The following P2RY2 variants were observed in gnomAD, a reference collection of about 807,000 sequenced individuals.
P2RY2 encodes P2Y purinoceptor 2.
For synonymous variants in P2RY2, 241 were observed against 231.9 expected, an observed-to-expected ratio of 1.04 and a Z score of -0.35; for missense variants, 567 against 515.7, an observed-to-expected ratio of 1.10 and a Z score of -0.96.
chr11:73,231,768 T>C (rs1453677117), intron 2 of P2RY2, among the ~76,000 whole-genome samples: 1 of 151,304 alleles, frequency 6.6e-6, no homozygotes, highest in Non-Finnish European at 1.5e-5. Context: ...AAGGGAATTA[T>C]TCCAGGCATG....
In P2RY2 at chr11:73,236,420, G is replaced by A. The variant is rs1463144627; in HGVS notation, c.*1127G>A. 6.8e-6 allele frequency: 3 copies of A among 442,568 alleles called. No homozygotes were observed. Among genetic ancestry groups the A allele is most frequent in the Non-Finnish European group, 6.2e-6 (2 of 324,974 alleles). The allele number at this position is 442,568 out of a possible 1,614,324, so 27.4% of individuals were successfully genotyped here. Reference sequence around the variant, plus strand: ...TCACTCTAGCACACCACTGGATAATGCCGAGTGGCTGGGGCTGTGAGCCAG... The same window carrying A: ...TCACTCTAGCACACCACTGGATAATACCGAGTGGCTGGGGCTGTGAGCCAG... On this transcript the variant is annotated 3_prime_UTR_variant, in exon 3 of 3. Coordinates refer to ENST00000393597, the MANE Select transcript of P2RY2 (RefSeq NM_002564.4).
At chr11:73,229,791 G>T (rs1221163969) in intron 2 of P2RY2, among the ~76,000 whole-genome samples, 1 of 152,116 alleles carries the variant, frequency 6.6e-6, no homozygotes, top group African/African-American at 2.4e-5. Flanking sequence ...AGATGTTTAT[G>T]TTGACTGTGA....
chr11:73,234,307 C>G lies in P2RY2; in HGVS notation c.148C>G (p.Leu50Val). The G allele has an allele frequency of 6.2e-7, 1 of 1,613,822 alleles. No individual in the cohort carries two copies. The highest frequency in any genetic ancestry group is 8.5e-7 in the Non-Finnish European group (1 of 1,179,776). The change falls in exon 3 of 3, where the codon CTG becomes GTG. Residue 50 changes from leucine (L) to valine (V), a missense_variant. Transcript: ENST00000393597. ...CGTGGTGTGCGTGCCTGGGCTGTGT[C>G]TGAACGCCGTGGCGCTCTACATCTT... is the stretch of plus-strand genomic sequence containing the variant. ...YGVVCVPGLC[L>V]NAVALYIFLC...
chr11:73,224,964 C>T (rs1862235357), intron 1 of P2RY2, among the ~76,000 whole-genome samples: 1 of 152,216 alleles, frequency 6.6e-6, no homozygotes, highest in South Asian at 2.1e-4. Context: ...AGTTAAGAGA[C>T]TTGTCTTACC....
Position 73,235,530 on chromosome 11 carries a change from G to C in P2RY2, c.*237G>C. 2 of 1,259,784 alleles carry C rather than the reference G, an allele frequency of 1.6e-6. No individual in the cohort carries two copies. The highest frequency in any genetic ancestry group is 2.0e-6 in the Non-Finnish European group (2 of 995,586). The allele number at this position is 1,259,784 out of a possible 1,614,324, so 78.0% of individuals were successfully genotyped here. A position where few individuals can be genotyped will look rare whatever the true frequency, so the allele number is the denominator to read the frequency against. Reference sequence around the variant, plus strand: ...TTGGGGGAATTAAGTTTCAAGAAAGGCAAGAGCTCAAGGTCAATGACACCC... The same window carrying C: ...TTGGGGGAATTAAGTTTCAAGAAAGCCAAGAGCTCAAGGTCAATGACACCC... On this transcript the variant is annotated 3_prime_UTR_variant, in exon 3 of 3. Transcript: ENST00000393597.
Position 73,226,506 on chromosome 11 carries a change from C to T in P2RY2, c.-199-1475C>T, listed in dbSNP as rs550238478. Reference sequence around the variant, plus strand: ...CAGAGGCATTTCCCGTGTGCACCCACGCCCCCCGTACCCAAGCTATTCCTG... The same window carrying T: ...CAGAGGCATTTCCCGTGTGCACCCATGCCCCCCGTACCCAAGCTATTCCTG... On this transcript the variant is annotated intron_variant, in intron 1 of 2. Coordinates refer to ENST00000393597, the MANE Select transcript of P2RY2 (RefSeq NM_002564.4). Among the ~76,000 whole-genome samples, 200 of 152,226 alleles carry T rather than the reference C, an allele frequency of 1.3e-3. 1 individual carries two copies. Among genetic ancestry groups the T allele is most frequent in the African/African-American group, 4.6e-3 (193 of 41,526 alleles).
rs1418374835 is a variant in P2RY2, at chr11:73,228,155, T to A, written c.-25T>A. 2.3e-5 allele frequency: 2 copies of A among 85,586 alleles called. No individual in the cohort carries two copies. Among genetic ancestry groups the A allele is most frequent in the Non-Finnish European group, 4.4e-5 (2 of 45,178 alleles). The allele number at this position is 85,586 out of a possible 1,614,324, so 5.3% of individuals were successfully genotyped here. ...CGTGCAGGCGCTGAGCATCCTGACCTGGAGAGCAGGGGCTGGTCAGGTACG... is the reference window on the plus strand; with the variant it reads ...CGTGCAGGCGCTGAGCATCCTGACCAGGAGAGCAGGGGCTGGTCAGGTACG... On this transcript the variant is annotated 5_prime_UTR_variant, in exon 2 of 3. Coordinates refer to ENST00000393597, the MANE Select transcript of P2RY2 (RefSeq NM_002564.4).
Position 73,238,969 on chromosome 11 carries a change from G to A in P2RY2, c.*3676G>A, listed in dbSNP as rs1862718322. The A allele has an allele frequency of 6.6e-6, 1 of 152,238 alleles. No homozygotes were observed. The highest frequency in any genetic ancestry group is 2.1e-4 in the South Asian group (1 of 4,828). The allele number at this position is 152,238 out of a possible 1,614,324, so 9.4% of individuals were successfully genotyped here. A position where few individuals can be genotyped will look rare whatever the true frequency, so the allele number is the denominator to read the frequency against. On this transcript the variant is annotated 3_prime_UTR_variant, in exon 3 of 3. Coordinates refer to ENST00000393597, the MANE Select transcript of P2RY2 (RefSeq NM_002564.4). ...TTCCTGGCTGGGGTCTCTTGGGCAA[G>A]TTACCTAATCTTGCAGCACCTCAGT...
intron 1 of P2RY2, among the ~76,000 whole-genome samples, chr11:73,223,841 G>A (rs1470259156): frequency 6.6e-6 from 1 of 152,198 alleles, no homozygotes; most frequent in Non-Finnish European, 1.5e-5. Context: ...TTGGGGGTGA[G>A]GTGGTCAAAC....
In P2RY2 at chr11:73,242,362, T is replaced by G. The variant is rs1241330738; in HGVS notation, c.*7069T>G. 2 of 152,266 alleles carry G rather than the reference T, an allele frequency of 1.3e-5. No individual in the cohort carries two copies. The highest frequency in any genetic ancestry group is 2.9e-5 in the Non-Finnish European group (2 of 68,092). 9.4% of individuals were successfully genotyped at this position (152,266 alleles called of 1,614,324 possible). A position where few individuals can be genotyped will look rare whatever the true frequency, so the allele number is the denominator to read the frequency against. ...ACAGTGTGTGCTGTCTCTGTGTGTG[T>G]GCACGTGTGTTTATGTGTGTGTTGA... On this transcript the variant is annotated 3_prime_UTR_variant, in exon 3 of 3. Coordinates refer to ENST00000393597, the MANE Select transcript of P2RY2 (RefSeq NM_002564.4).
At chr11:73,224,309 GCAGTTC>G (rs1591627574) in intron 1 of P2RY2, among the ~76,000 whole-genome samples, 1 of 152,212 alleles carries the variant, frequency 6.6e-6, no homozygotes, top group Non-Finnish European at 1.5e-5. Flanking sequence ...AGGATGATGA[GCAGTTC>G]CTCAAACGTG....
chr11:73,223,953 C>G (rs1862200284), intron 1 of P2RY2, among the ~76,000 whole-genome samples: 1 of 152,180 alleles, frequency 6.6e-6, no homozygotes, highest in Admixed American at 6.5e-5. Context: ...GAGACTTACC[C>G]ACTCTGATGC....
chr11:73,219,859 C>T (rs1252017950), intron 1 of P2RY2, among the ~76,000 whole-genome samples: 1 of 152,202 alleles, frequency 6.6e-6, no homozygotes, highest in Non-Finnish European at 1.5e-5. Flanking sequence ...CTCAGATGTC[C>T]TCTCCTCTGG....
At position 73,235,453 on chromosome 11, in the gene P2RY2, G is replaced by C. The variant is rs752715769; in HGVS notation, c.*160G>C. Reference sequence around the variant, plus strand: ...CAGGGGCTCAGGATATTCACTCTGTGGTCCAGAGTCAACTGTTCCCATAAC... The same window carrying C: ...CAGGGGCTCAGGATATTCACTCTGTCGTCCAGAGTCAACTGTTCCCATAAC... On this transcript the variant is annotated 3_prime_UTR_variant, in exon 3 of 3. Coordinates refer to ENST00000393597, the MANE Select transcript of P2RY2 (RefSeq NM_002564.4). The C allele has an allele frequency of 1.9e-5, 26 of 1,392,328 alleles. No homozygotes were observed. The highest frequency in any genetic ancestry group is 2.4e-5 in the Non-Finnish European group (26 of 1,071,426). The allele number at this position is 1,392,328 out of a possible 1,614,324, so 86.2% of individuals were successfully genotyped here. A position where few individuals can be genotyped will look rare whatever the true frequency, so the allele number is the denominator to read the frequency against.
Position 73,237,605 on chromosome 11 carries a change from G to A in P2RY2, c.*2312G>A, listed in dbSNP as rs1862685226. ...AAACCACCCTTGAGCCTTTCCCACA[G>A]GCCCGAGCCACTCCACAAGGACACA... On this transcript the variant is annotated 3_prime_UTR_variant, in exon 3 of 3. Coordinates refer to ENST00000393597, the MANE Select transcript of P2RY2 (RefSeq NM_002564.4). Among the ~76,000 whole-genome samples, 1 of 152,100 alleles carries A rather than the reference G, an allele frequency of 6.6e-6. No individual in the cohort carries two copies. The highest frequency in any genetic ancestry group is 2.4e-5 in the African/African-American group (1 of 41,402).
chr11:73,232,460 G>A (rs1038225292), intron 2 of P2RY2, among the ~76,000 whole-genome samples: 10 of 152,054 alleles, frequency 6.6e-5, no homozygotes, highest in Non-Finnish European at 1.2e-4. Context: ...CACCCAGGCT[G>A]GAGTACAGTG....
chr11:73,237,042 G>A lies in P2RY2; in HGVS notation c.*1749G>A. The A allele has an allele frequency of 1.0e-6, 1 of 985,274 alleles. No homozygotes were observed. Among genetic ancestry groups the A allele is most frequent in the South Asian group, 4.7e-5 (1 of 21,286 alleles). The allele number at this position is 985,274 out of a possible 1,614,324, so 61.0% of individuals were successfully genotyped here. On this transcript the variant is annotated 3_prime_UTR_variant, in exon 3 of 3. Coordinates refer to ENST00000393597, the MANE Select transcript of P2RY2 (RefSeq NM_002564.4). Reference sequence around the variant, plus strand: ...CTCTCCACCCTTCCCACTCTGCCTTGTGAAAGGCAGGACATCCCCAAAGCT... The same window carrying A: ...CTCTCCACCCTTCCCACTCTGCCTTATGAAAGGCAGGACATCCCCAAAGCT...
chr11:73,228,621 C>T (rs1459653407), intron 2 of P2RY2, among the ~76,000 whole-genome samples: 1 of 152,126 alleles, frequency 6.6e-6, no homozygotes, highest in Non-Finnish European at 1.5e-5. Context: ...CTGACCTGTC[C>T]AGAGAAAGGC....
chr11:73,233,964 T>A, intron 2 of P2RY2, 192 bp from the exon 3 acceptor site: 3 of 664,222 alleles, frequency 4.5e-6, no homozygotes, highest in Non-Finnish European at 7.5e-6. Flanking sequence ...ACCCCTGTTC[T>A]CAAGTTTGAC....
Sources: allele counts gnomAD v4.1 joint callset (sites outside exome capture counted in the v4.1 genomes callset), GRCh38; gene constraint gnomAD v4.1.1; transcripts MANE v1.5; gene names NCBI Gene and HGNC (gene_info 2026-07-23, HGNC 2026-07-21).